Variants in LRRTM4 observed in about 807,000 individuals in gnomAD.
The protein encoded by LRRTM4 is leucine-rich repeat transmembrane neuronal protein 4.
Under a neutral mutation model 47.6 loss-of-function variants are expected in LRRTM4, and 25 were observed. That is an observed-to-expected ratio of 0.53 (90% CI 0.38 to 0.73). The LOEUF (loss-of-function observed/expected upper bound fraction) is 0.73. LRRTM4 is among the 30% of genes least tolerant of loss of function. The pLI is 0.00. For missense variants in LRRTM4, 638 were observed against 713.4 expected (o/e 0.89, Z 1.20); for synonymous variants, 311 against 269.5 (o/e 1.15, Z -1.51).
At chr2:76,880,653 A>C (rs1039927235) in intron 3 of LRRTM4, among the ~76,000 whole-genome samples, 1 of 151,924 alleles carries the variant, frequency 6.6e-6, no homozygotes, top group East Asian at 1.9e-4. Flanking sequence ...AACACAAAAA[A>C]CCTCTGTGGG....
At chr2:77,176,530 T>G (rs1673202362) in intron 3 of LRRTM4, among the ~76,000 whole-genome samples, 1 of 152,146 alleles carries the variant, frequency 6.6e-6, no homozygotes, top group South Asian at 2.1e-4. Context: ...CTCTTTCTTT[T>G]TTTCCTGACA....
intron 3 of LRRTM4, among the ~76,000 whole-genome samples, chr2:77,055,164 C>T (rs1307633151): frequency 6.6e-6 from 1 of 151,776 alleles, no homozygotes; most frequent in East Asian, 1.9e-4. Flanking sequence ...GTGCTTCCCT[C>T]TGCCATGACA....
At chr2:77,382,325 C>T (rs1222945997) in intron 3 of LRRTM4, among the ~76,000 whole-genome samples, 2 of 152,090 alleles carry the variant, frequency 1.3e-5, no homozygotes, top group African/African-American at 4.8e-5. Flanking sequence ...TTGCTTTTAA[C>T]CATATAATTT....
intron 3 of LRRTM4, among the ~76,000 whole-genome samples, chr2:77,456,861 T>A (rs1485679334): frequency 6.6e-6 from 1 of 150,832 alleles, no homozygotes; most frequent in African/African-American, 2.4e-5. Flanking sequence ...TCCTTCATTT[T>A]CCCTCATCTT....
At chr2:77,111,283 A>AT (rs71381260) in intron 3 of LRRTM4, among the ~76,000 whole-genome samples, 34,634 of 112,952 alleles carry the variant, frequency 0.31, 5,327 homozygotes, top group Non-Finnish European at 0.36. Flanking sequence ...ACACCTGGCT[A>AT]TTTTTTTTTT....
intron 3 of LRRTM4, among the ~76,000 whole-genome samples, chr2:76,989,013 T>G (rs1197298314): frequency 6.6e-6 from 1 of 151,908 alleles, no homozygotes; most frequent in Non-Finnish European, 1.5e-5. Context: ...TGTCTTTTCT[T>G]AACTTTTACT....
intron 3 of LRRTM4, among the ~76,000 whole-genome samples, chr2:76,893,794 A>C (rs1308490943): frequency 6.6e-6 from 1 of 151,820 alleles, no homozygotes; most frequent in South Asian, 2.1e-4. Flanking sequence ...TCAGAGACTC[A>C]TCTATGTGTC....
chr2:77,494,936 A>T (rs1224851472), intron 3 of LRRTM4, among the ~76,000 whole-genome samples: 1 of 152,052 alleles, frequency 6.6e-6, no homozygotes, highest in East Asian at 1.9e-4. Context: ...CTTTCCCTCA[A>T]CGTAAATACT....
At chr2:76,898,553 C>CAAAA (rs56345618) in intron 3 of LRRTM4, among the ~76,000 whole-genome samples, 32 of 63,494 alleles carry the variant, frequency 5.0e-4, no homozygotes, top group African/African-American at 1.1e-3. Flanking sequence ...AGCTCCGTCT[C>CAAAA]AAAAAAAAAA....
intron 3 of LRRTM4, among the ~76,000 whole-genome samples, chr2:76,835,708 T>C (rs1330949448): frequency 2.0e-5 from 3 of 152,060 alleles, no homozygotes; most frequent in Admixed American, 1.3e-4. Context: ...TATTTAGGTA[T>C]ATATTTCTTT....
At chr2:77,208,298 C>A (rs547446584) in intron 3 of LRRTM4, among the ~76,000 whole-genome samples, 1 of 152,278 alleles carries the variant, frequency 6.6e-6, no homozygotes, top group East Asian at 1.9e-4. Context: ...CTCTTCCTCC[C>A]TTTCTCGCAC....
intron 3 of LRRTM4, among the ~76,000 whole-genome samples, chr2:76,867,469 C>T (rs564642252): frequency 1.4e-4 from 22 of 152,232 alleles, no homozygotes; most frequent in Middle Eastern, 3.4e-3. Flanking sequence ...CTGTTTATTT[C>T]CTCTGGACAT....
chr2:77,339,603 T>C (rs1671294137), intron 3 of LRRTM4, among the ~76,000 whole-genome samples: 1 of 152,084 alleles, frequency 6.6e-6, no homozygotes, highest in African/African-American at 2.4e-5. Context: ...AATGAAGTGG[T>C]GAAGACCATA....
At chr2:77,284,777 A>T (rs1676604181) in intron 3 of LRRTM4, among the ~76,000 whole-genome samples, 1 of 152,110 alleles carries the variant, frequency 6.6e-6, no homozygotes, top group African/African-American at 2.4e-5. Context: ...GCAAATTATA[A>T]GGAAATTAGA....
At chr2:77,033,946 A>T (rs933720240) in intron 3 of LRRTM4, among the ~76,000 whole-genome samples, 1 of 151,880 alleles carries the variant, frequency 6.6e-6, no homozygotes, top group Non-Finnish European at 1.5e-5. Flanking sequence ...AAGGACCAGA[A>T]TATCTGAGGC....
chr2:77,438,598 G>A (rs13418038), intron 3 of LRRTM4, among the ~76,000 whole-genome samples: 6,863 of 151,782 alleles, frequency 0.045, 348 homozygotes, highest in African/African-American at 0.13. Context: ...AGTAGAGACG[G>A]GATTTCACCG....
At chr2:77,485,097 T>G (rs902689055) in intron 3 of LRRTM4, among the ~76,000 whole-genome samples, 16 of 152,128 alleles carry the variant, frequency 1.1e-4, no homozygotes, top group Admixed American at 1.0e-3. Flanking sequence ...TGTTTACATT[T>G]AAAGTTTATT....
intron 2 of LRRTM4, among the ~76,000 whole-genome samples, chr2:77,521,442 A>G (rs990774111): frequency 1.1e-4 from 16 of 151,992 alleles, no homozygotes; most frequent in Middle Eastern, 3.4e-3. Context: ...ATATTTCTCT[A>G]GAGTCTGTTT....
intron 3 of LRRTM4, among the ~76,000 whole-genome samples, chr2:77,446,228 T>A (rs529439537): frequency 1.3e-5 from 2 of 152,190 alleles, no homozygotes; most frequent in East Asian, 3.9e-4. Flanking sequence ...TTGGCACTAC[T>A]GATATTTTGG....
Sources: allele counts gnomAD v4.1 joint callset (sites outside exome capture counted in the v4.1 genomes callset), GRCh38; gene constraint gnomAD v4.1.1; transcripts MANE v1.5; gene names NCBI Gene and HGNC (gene_info 2026-07-23, HGNC 2026-07-21).